RALYL: variants seen among roughly 807,000 people sequenced by gnomAD.
The protein encoded by RALYL is RALY RNA binding protein like, also known as RNA-binding Raly-like protein.
In RALYL, 29 loss-of-function variants were observed where a neutral mutation model predicts 35.1. That is an observed-to-expected ratio of 0.83 (90% CI 0.61 to 1.13). The LOEUF is 1.13. Among genes scored for constraint, RALYL ranks in the 50% most tolerant of loss-of-function variants. The probability of loss-of-function intolerance (pLI) is 0.00; values close to 1 mark genes in which losing one functional copy is unlikely to be tolerated. For missense variants in RALYL, 359 were observed against 360.4 expected (o/e 1.00, Z 0.03); for synonymous variants, 120 against 127.6 (o/e 0.94, Z 0.40).
chr8:84,494,723 C>A (rs2055799965), intron 1 of RALYL, among the ~76,000 whole-genome samples: 1 of 152,030 alleles, frequency 6.6e-6, no homozygotes, highest in African/African-American at 2.4e-5. Context: ...TATAGGAGTG[C>A]TTGTAACTTT....
chr8:84,562,051 T>C (rs2061498771), intron 2 of RALYL, among the ~76,000 whole-genome samples: 1 of 151,948 alleles, frequency 6.6e-6, no homozygotes, highest in African/African-American at 2.4e-5. Context: ...GAGCAAGCCA[T>C]GTGAACCTTT....
intron 1 of RALYL, among the ~76,000 whole-genome samples, chr8:84,402,543 C>T (rs987696840): frequency 1.3e-5 from 2 of 152,180 alleles, no homozygotes; most frequent in Admixed American, 1.3e-4. Context: ...GTATCACTGG[C>T]CCACTGTCCT....
At chr8:84,716,724 G>A (rs1282063022) in intron 2 of RALYL, among the ~76,000 whole-genome samples, 2 of 152,086 alleles carry the variant, frequency 1.3e-5, no homozygotes, top group Non-Finnish European at 2.9e-5. Flanking sequence ...GAAATATTTT[G>A]CATATTTTTC....
At chr8:84,578,974 C>T (rs545099249) in intron 2 of RALYL, among the ~76,000 whole-genome samples, 1 of 152,208 alleles carries the variant, frequency 6.6e-6, no homozygotes, top group East Asian at 1.9e-4. Flanking sequence ...AGGCTTCAGG[C>T]TGTCCCCAGC....
chr8:84,326,484 C>T (rs906715949), intron 1 of RALYL, among the ~76,000 whole-genome samples: 4 of 152,148 alleles, frequency 2.6e-5, no homozygotes, highest in Non-Finnish European at 5.9e-5. Flanking sequence ...GTAATCCCTA[C>T]AATGGGTAGA....
At chr8:84,544,213 AT>A (rs1039628076) in intron 2 of RALYL, among the ~76,000 whole-genome samples, 4 of 151,924 alleles carry the variant, frequency 2.6e-5, no homozygotes, top group Non-Finnish European at 4.4e-5. Context: ...CTTTTCTTTA[AT>A]TTTTTACAAC....
At chr8:84,359,283 G>A (rs968632933) in intron 1 of RALYL, among the ~76,000 whole-genome samples, 8 of 150,912 alleles carry the variant, frequency 5.3e-5, no homozygotes, top group South Asian at 2.1e-4. Context: ...ATTATTGAAT[G>A]CTATTATCTT....
chr8:84,338,538 G>C (rs532586325), intron 1 of RALYL, among the ~76,000 whole-genome samples: 1 of 151,514 alleles, frequency 6.6e-6, no homozygotes, highest in Non-Finnish European at 1.5e-5. Flanking sequence ...TCTTTGGGGA[G>C]GGAACATTAT....
At chr8:84,890,433 G>T (rs1843622630) in intron 8 of RALYL, among the ~76,000 whole-genome samples, 2 of 152,236 alleles carry the variant, frequency 1.3e-5, no homozygotes, top group South Asian at 4.1e-4. Flanking sequence ...AAACACTAAA[G>T]ATTACTAATT....
chr8:84,249,014 T>C (rs1050445264), intron 1 of RALYL, among the ~76,000 whole-genome samples: 3 of 152,096 alleles, frequency 2.0e-5, no homozygotes, highest in African/African-American at 4.8e-5. Flanking sequence ...TTTGTAGTCA[T>C]GGAACGAGCA....
intron 2 of RALYL, among the ~76,000 whole-genome samples, chr8:84,727,599 T>A (rs1189113269): frequency 6.6e-6 from 1 of 151,184 alleles, no homozygotes; most frequent in African/African-American, 2.4e-5. Flanking sequence ...AATAGGTATA[T>A]CTCCCAATGC....
At chr8:84,853,972 G>T (rs1586777844) in intron 5 of RALYL, among the ~76,000 whole-genome samples, 2 of 152,130 alleles carry the variant, frequency 1.3e-5, no homozygotes, top group African/African-American at 4.8e-5. Flanking sequence ...ATTAAATGAG[G>T]TAACATAATG....
chr8:84,572,742 G>A (rs2957790), intron 2 of RALYL, among the ~76,000 whole-genome samples: 43,554 of 151,556 alleles, frequency 0.29, 6,875 homozygotes, highest in African/African-American at 0.42. Context: ...AAATTTTGCA[G>A]TGACATACAA....
intron 1 of RALYL, among the ~76,000 whole-genome samples, chr8:84,344,705 T>C (rs1405464918): frequency 2.6e-5 from 4 of 152,048 alleles, no homozygotes; most frequent in Non-Finnish European, 4.4e-5. Context: ...CATTATCCCA[T>C]CCCAATTCCC....
chr8:84,584,611 A>G (rs1399800621), intron 2 of RALYL, among the ~76,000 whole-genome samples: 1 of 152,102 alleles, frequency 6.6e-6, no homozygotes, highest in Non-Finnish European at 1.5e-5. Context: ...CAAAAAAAAA[A>G]AAAAATTGAT....
At chr8:84,332,445 A>T (rs1054581203) in intron 1 of RALYL, among the ~76,000 whole-genome samples, 2 of 152,150 alleles carry the variant, frequency 1.3e-5, no homozygotes, top group African/African-American at 4.8e-5. Flanking sequence ...TCTGACTGAA[A>T]AGACAGAGGA....
chr8:84,250,978 A>G (rs886184959), intron 1 of RALYL, among the ~76,000 whole-genome samples: 3 of 152,060 alleles, frequency 2.0e-5, no homozygotes, highest in Non-Finnish European at 4.4e-5. Flanking sequence ...TTGCACAGTT[A>G]TTTGTTCCCA....
chr8:84,278,949 C>T (rs1448393439), intron 1 of RALYL, among the ~76,000 whole-genome samples: 1 of 152,176 alleles, frequency 6.6e-6, no homozygotes, highest in Admixed American at 6.5e-5. Flanking sequence ...TTTATAGTAG[C>T]ACCTCACTCC....
chr8:84,600,848 C>T (rs527447105), intron 2 of RALYL, among the ~76,000 whole-genome samples: 6 of 152,118 alleles, frequency 3.9e-5, no homozygotes, highest in Admixed American at 3.3e-4. Flanking sequence ...GTTGAAATGT[C>T]GGGTTATATT....
Sources: allele counts gnomAD v4.1 joint callset (sites outside exome capture counted in the v4.1 genomes callset), GRCh38; gene constraint gnomAD v4.1.1; transcripts MANE v1.5; gene names NCBI Gene and HGNC (gene_info 2026-07-23, HGNC 2026-07-21).